Variants in MARCHF11 observed in about 807,000 individuals in gnomAD.
MARCHF11 encodes membrane associated ring-CH-type finger 11, also known as E3 ubiquitin-protein ligase MARCHF11.
In MARCHF11, 29 loss-of-function variants were observed where a neutral mutation model predicts 37.3. That is an observed-to-expected ratio of 0.78 (90% CI 0.58 to 1.06). The LOEUF is 1.06. MARCHF11 is among the 50% of genes least tolerant of loss of function. The pLI is 0.00. For missense variants in MARCHF11, 482 were observed against 533.4 expected (o/e 0.90, Z 0.95); for synonymous variants, 233 against 228.0 (o/e 1.02, Z -0.20).
chr5:16,077,053 C>A (rs753518095), intron 3 of MARCHF11, among the ~76,000 whole-genome samples: 2 of 152,146 alleles, frequency 1.3e-5, no homozygotes, highest in Non-Finnish European at 2.9e-5. Flanking sequence ...ATTACGGCAA[C>A]CTTCACAATT....
In MARCHF11 at chr5:16,067,377, G is replaced by T; in HGVS notation, c.*94C>A. The T allele has an allele frequency of 8.8e-7, 1 of 1,138,274 alleles. No homozygotes were observed. The highest frequency in any genetic ancestry group is 1.3e-6 in the Non-Finnish European group (1 of 795,726). 70.5% of individuals were successfully genotyped at this position (1,138,274 alleles called of 1,614,324 possible). ...AAGCATAAATTTTAAAAAGTTCATA[G>T]ATGTGTTTTTAGAAGTGCTATGGTT... On this transcript the variant is annotated 3_prime_UTR_variant, in exon 4 of 4. Transcript: ENST00000332432.
chr5:16,092,037 AAC>A (rs1430545604), intron 2 of MARCHF11, among the ~76,000 whole-genome samples: 1 of 152,200 alleles, frequency 6.6e-6, no homozygotes, highest in Non-Finnish European at 1.5e-5. Context: ...AGAATTCTTA[AAC>A]AGTTTTTTAA....
intron 3 of MARCHF11, among the ~76,000 whole-genome samples, chr5:16,078,110 A>C (rs1212993679): frequency 2.6e-5 from 4 of 152,248 alleles, no homozygotes; most frequent in African/African-American, 9.6e-5. Flanking sequence ...CAGCATATAA[A>C]GAGGGGTTTT....
At chr5:16,084,044 G>A (rs1182368211) in intron 3 of MARCHF11, among the ~76,000 whole-genome samples, 3 of 151,906 alleles carry the variant, frequency 2.0e-5, no homozygotes, top group East Asian at 1.9e-4. Flanking sequence ...TTTAAGTTTC[G>A]TGTCAATAAA....
At chr5:16,158,331 T>C (rs1040701872) in intron 2 of MARCHF11, among the ~76,000 whole-genome samples, 2 of 151,992 alleles carry the variant, frequency 1.3e-5, no homozygotes, top group Non-Finnish European at 2.9e-5. Context: ...CCCATAGTCA[T>C]TGCAGCATTA....
intron 2 of MARCHF11, among the ~76,000 whole-genome samples, chr5:16,132,747 A>T (rs1281904586): frequency 6.6e-6 from 1 of 152,216 alleles, no homozygotes; most frequent in Non-Finnish European, 1.5e-5. Context: ...GAAGGAAGCT[A>T]TGCTTTATAA....
chr5:16,156,896 A>G (rs1560991217), intron 2 of MARCHF11, among the ~76,000 whole-genome samples: 1 of 151,924 alleles, frequency 6.6e-6, no homozygotes, highest in Non-Finnish European at 1.5e-5. Context: ...AGCTACAGTA[A>G]AAATACAGTA....
chr5:16,141,821 A>C (rs887804555), intron 2 of MARCHF11, among the ~76,000 whole-genome samples: 2 of 152,204 alleles, frequency 1.3e-5, no homozygotes, highest in African/African-American at 4.8e-5. Flanking sequence ...GAGTCTCCAA[A>C]ACATCTATTT....
At chr5:16,114,987 A>T (rs1179011684) in intron 2 of MARCHF11, among the ~76,000 whole-genome samples, 3 of 152,310 alleles carry the variant, frequency 2.0e-5, no homozygotes, top group Non-Finnish European at 4.4e-5. Flanking sequence ...ATTTACTTAC[A>T]GCATTTAACT....
intron 2 of MARCHF11, among the ~76,000 whole-genome samples, chr5:16,155,127 A>C (rs1350851106): frequency 6.6e-6 from 1 of 151,926 alleles, no homozygotes; most frequent in Non-Finnish European, 1.5e-5. Context: ...TAAAGAATAT[A>C]ATGCATTGGT....
chr5:16,102,872 C>T (rs1404755059), intron 2 of MARCHF11, among the ~76,000 whole-genome samples: 3 of 152,162 alleles, frequency 2.0e-5, no homozygotes, highest in African/African-American at 7.2e-5. Flanking sequence ...CCTGCATGCT[C>T]CCCCTCTTGC....
chr5:16,131,194 T>C (rs1737509233), intron 2 of MARCHF11, among the ~76,000 whole-genome samples: 1 of 152,222 alleles, frequency 6.6e-6, no homozygotes, highest in Admixed American at 6.5e-5. Flanking sequence ...CAATGACTCC[T>C]AATTAATGTT....
Position 16,179,163 on chromosome 5 carries a change from TG to T in MARCHF11, c.412del (p.Gln138SerfsTer46). 7.0e-7 allele frequency: 1 copy of T among 1,421,482 alleles called. No homozygotes were observed. Among genetic ancestry groups the T allele is most frequent in the Non-Finnish European group, 9.1e-7 (1 of 1,094,244 alleles). 88.1% of individuals were successfully genotyped at this position (1,421,482 alleles called of 1,614,324 possible). ...GERERRGAGDQPETRSVCSSR... is the reference protein window; with the variant it reads ...GERERRGAGDXPETRSVCSSR... Reference sequence around the variant, plus strand: ...GCTGCACACCGAGCGCGTCTCGGGCTGGTCTCCGGCGCCCCGCCGCTCGCGC... The same window carrying T: ...GCTGCACACCGAGCGCGTCTCGGGCTGTCTCCGGCGCCCCGCCGCTCGCGC... On this transcript the variant is annotated frameshift_variant, in exon 1 of 4. Coordinates refer to ENST00000332432, the MANE Select transcript of MARCHF11 (RefSeq NM_001102562.3). LOFTEE classifies it high-confidence loss of function.
chr5:16,120,588 C>T (rs1737293913), intron 2 of MARCHF11, among the ~76,000 whole-genome samples: 1 of 152,248 alleles, frequency 6.6e-6, no homozygotes, highest in African/African-American at 2.4e-5. Context: ...TACAAGGCTC[C>T]ACCACTCTCT....
intron 2 of MARCHF11, among the ~76,000 whole-genome samples, chr5:16,172,640 T>C (rs1579427553): frequency 1.3e-5 from 2 of 152,230 alleles, no homozygotes; most frequent in South Asian, 4.1e-4. Flanking sequence ...TGATGTTTTC[T>C]TGATACATTT....
intron 3 of MARCHF11, among the ~76,000 whole-genome samples, chr5:16,077,280 T>C (rs1736537102): frequency 1.3e-5 from 2 of 152,164 alleles, no homozygotes; most frequent in African/African-American, 2.4e-5. Flanking sequence ...TGGTGGGCTT[T>C]TCCTAGTGGC....
Position 16,067,497 on chromosome 5 carries a change from C to T in MARCHF11, c.1183G>A (p.Val395Ile). Residue 395 changes from valine (V) to isoleucine (I), a missense_variant, in exon 4 of 4, where the codon GTT becomes ATT. Transcript: ENST00000332432. ...CACACTGAAGTCACTCTCATCACAA[C>T]CTCCCCCGAGCTGTTATCTTCTGAT... ...DLSEDNSSGEVVMRVTSV is the reference protein window; with the variant it reads ...DLSEDNSSGEIVMRVTSV 6.2e-7 allele frequency: 1 copy of T among 1,613,634 alleles called. No individual in the cohort carries two copies. The highest frequency in any genetic ancestry group is 8.5e-7 in the Non-Finnish European group (1 of 1,179,586).
intron 2 of MARCHF11, among the ~76,000 whole-genome samples, chr5:16,108,870 T>G (rs891993711): frequency 2.0e-5 from 3 of 152,002 alleles, no homozygotes; most frequent in Non-Finnish European, 4.4e-5. Flanking sequence ...GGAGACAACA[T>G]TTGTAAAGTG....
rs150211836 is a variant in MARCHF11 at position 16,156,977 on chromosome 5, C to T, written c.693+20749G>A. Among the ~76,000 whole-genome samples the T allele has an allele frequency of 1.9e-4, 29 of 152,012 alleles. No homozygotes were observed. In the East Asian group the frequency reaches 5.5e-3, roughly 29 times the overall value. ...TGGAAACCTTGCTAGGTAGTGCATA[C>T]TGTAATTATTTTATTGTCATACAAA... On this transcript the variant is annotated intron_variant, in intron 2 of 3. Transcript: ENST00000332432.
Sources: gnomAD v4.1 joint callset for allele counts (sites outside exome capture counted in the v4.1 genomes callset) on GRCh38, gnomAD v4.1.1 for gene constraint, MANE v1.5 for transcripts, NCBI Gene and HGNC (gene_info 2026-07-23, HGNC 2026-07-21) for gene names.